Variants in CLXN observed in about 807,000 individuals in gnomAD.
CLXN encodes calaxin.
the CLXN span, among the ~76,000 whole-genome samples, chr8:48,734,242 A>G: frequency 2.0e-5 from 3 of 152,196 alleles, no homozygotes; most frequent in African/African-American, 7.2e-5. Context: ...TGTTTCTTCA[A>G]GTGGCCAGTA....
the CLXN span, chr8:48,723,405 A>G: frequency 6.6e-6 from 1 of 152,194 alleles, no homozygotes; most frequent in Non-Finnish European, 1.5e-5. Context: ...ACAGTAAAAT[A>G]TGTTTTCTTT....
the CLXN span, chr8:48,730,555 C>T: frequency 6.2e-7 from 1 of 1,608,792 alleles, no homozygotes; most frequent in Non-Finnish European, 8.5e-7. Flanking sequence ...ATTTTTTCTT[C>T]CAAAGATCCT....
At chr8:48,724,893 A>T in the CLXN span, 1 of 1,037,102 alleles carries the variant, frequency 9.6e-7, no homozygotes, top group Non-Finnish European at 1.4e-6. Context: ...TAGAGACAGG[A>T]TAACTGAGGG....
chr8:48,721,008 C>A, the CLXN span, among the ~76,000 whole-genome samples: 1 of 152,116 alleles, frequency 6.6e-6, no homozygotes, highest in African/African-American at 2.4e-5. Flanking sequence ...AAATTACCTC[C>A]ATTTTGAAAC....
At chr8:48,728,068 A>C in the CLXN span, among the ~76,000 whole-genome samples, 1 of 152,112 alleles carries the variant, frequency 6.6e-6, no homozygotes, top group East Asian at 1.9e-4. Flanking sequence ...AGGCGGCAGG[A>C]GACACATGCT....
At chr8:48,721,155 G>A in the CLXN span, among the ~76,000 whole-genome samples, 6 of 152,036 alleles carry the variant, frequency 3.9e-5, no homozygotes, top group Admixed American at 2.0e-4. Context: ...AATCAGTCAC[G>A]TTTCTACCCA....
At chr8:48,726,613 C>T in the CLXN span, among the ~76,000 whole-genome samples, 2 of 149,208 alleles carry the variant, frequency 1.3e-5, no homozygotes, top group African/African-American at 5.0e-5. Context: ...ATCTTTTTAT[C>T]TACCCATCCA....
the CLXN span, chr8:48,730,270 A>G: frequency 2.8e-6 from 1 of 359,108 alleles, no homozygotes; most frequent in South Asian, 6.6e-5. Flanking sequence ...ATATAAATGT[A>G]TATGTACATA....
chr8:48,726,383 T>C, the CLXN span, among the ~76,000 whole-genome samples: 2 of 140,442 alleles, frequency 1.4e-5, no homozygotes, highest in African/African-American at 2.7e-5. Flanking sequence ...CATCCATCTA[T>C]TCACCTACCT....
At chr8:48,725,951 G>C in the CLXN span, among the ~76,000 whole-genome samples, 1 of 151,958 alleles carries the variant, frequency 6.6e-6, no homozygotes, top group Non-Finnish European at 1.5e-5. Context: ...GAGAGATCCA[G>C]AGCTCCCCAT....
At chr8:48,729,187 T>C in the CLXN span, 9 of 1,464,910 alleles carry the variant, frequency 6.1e-6, no homozygotes, top group Non-Finnish European at 8.5e-6. Context: ...CGTAAAATGA[T>C]TACTGCAAAT....
the CLXN span, chr8:48,728,931 A>G: frequency 1.5e-6 from 1 of 664,034 alleles, no homozygotes; most frequent in Non-Finnish European, 2.5e-6. Flanking sequence ...TTTAAAAGGT[A>G]TTCTTTCTTG....
chr8:48,726,641 C>A, the CLXN span, among the ~76,000 whole-genome samples: 2 of 143,030 alleles, frequency 1.4e-5, no homozygotes, highest in African/African-American at 2.6e-5. Context: ...ACCCACCCAC[C>A]TCACCCATCC....
chr8:48,725,157 G>A, the CLXN span, among the ~76,000 whole-genome samples: 35 of 152,256 alleles, frequency 2.3e-4, no homozygotes, highest in Admixed American at 7.2e-4. Flanking sequence ...AGGCACAGCC[G>A]GGCCTTGGTT....
At chr8:48,735,284 C>T in the CLXN span, 92 of 1,025,952 alleles carry the variant, frequency 9.0e-5, no homozygotes, top group Non-Finnish European at 1.3e-4. Flanking sequence ...CGTGCGCGGC[C>T]CTAACAGACG....
At chr8:48,730,531 C>T in the CLXN span, 5 of 1,573,736 alleles carry the variant, frequency 3.2e-6, no homozygotes, top group East Asian at 1.1e-4. Context: ...GGACAACCTG[C>T]AATCTTACAT....
At chr8:48,719,813 C>T in the CLXN span, among the ~76,000 whole-genome samples, 2 of 152,162 alleles carry the variant, frequency 1.3e-5, no homozygotes, top group Non-Finnish European at 2.9e-5. Context: ...CTAACATCAT[C>T]ATTAAAATAA....
At chr8:48,722,949 C>A in the CLXN span, among the ~76,000 whole-genome samples, 1 of 151,946 alleles carries the variant, frequency 6.6e-6, no homozygotes, top group African/African-American at 2.4e-5. Flanking sequence ...GGGAAAAACT[C>A]ATAGCAGGAT....
the CLXN span, among the ~76,000 whole-genome samples, chr8:48,733,652 T>C: frequency 6.6e-6 from 1 of 152,158 alleles, no homozygotes; most frequent in South Asian, 2.1e-4. Context: ...TAACTAATAA[T>C]CATCTAAGTT....
Sources: allele counts gnomAD v4.1 joint callset (sites outside exome capture counted in the v4.1 genomes callset), GRCh38; gene constraint gnomAD v4.1.1; transcripts MANE v1.5; gene names NCBI Gene and HGNC (gene_info 2026-07-23, HGNC 2026-07-21).